Variants in MRPL15 observed in about 807,000 individuals in gnomAD.
The protein encoded by MRPL15 is large ribosomal subunit protein uL15m.
In MRPL15, 24 loss-of-function variants were observed where a neutral mutation model predicts 28.0. That is an observed-to-expected ratio of 0.86 (90% CI 0.62 to 1.21). The LOEUF (loss-of-function observed/expected upper bound fraction) is 1.21, where lower values mean the gene tolerates loss of function less well. Ranked by LOEUF, MRPL15 falls within the 50% of genes most tolerant of loss-of-function variation. The probability of loss-of-function intolerance (pLI) is 0.00; values close to 1 mark genes in which losing one functional copy is unlikely to be tolerated. For missense variants in MRPL15, 343 were observed against 372.4 expected, an observed-to-expected ratio of 0.92 and a Z score of 0.65; for synonymous variants, 124 against 137.0, an observed-to-expected ratio of 0.90 and a Z score of 0.66.
intron 3 of MRPL15, among the ~76,000 whole-genome samples, chr8:54,139,750 C>A (rs561994758): frequency 1.4e-4 from 21 of 152,232 alleles, no homozygotes; most frequent in African/African-American, 4.8e-4. Context: ...AGTTTTGATC[C>A]TTTAGCACAA....
At chr8:54,141,319 A>G (rs1451078275) in intron 3 of MRPL15, among the ~76,000 whole-genome samples, 3 of 152,110 alleles carry the variant, frequency 2.0e-5, no homozygotes, top group Admixed American at 1.3e-4. Context: ...GAAAGTTGGT[A>G]TTTCCATTTA....
At chr8:54,142,639 A>T (rs752235145) in intron 3 of MRPL15, 24 bp from the exon 4 acceptor site, 1 of 1,608,790 alleles carries the variant, frequency 6.2e-7, no homozygotes, top group East Asian at 2.2e-5. Flanking sequence ...CTGTTTACCA[A>T]CAGACTGTTT....
intron 3 of MRPL15, among the ~76,000 whole-genome samples, chr8:54,142,330 A>G (rs1376790454): frequency 7.0e-6 from 1 of 142,176 alleles, no homozygotes; most frequent in Non-Finnish European, 1.5e-5. Context: ...AATTTTTTGT[A>G]TTTTTAGTAG....
chr8:54,136,396 T>G, intron 1 of MRPL15, 115 bp from the exon 2 acceptor site: 1 of 1,108,814 alleles, frequency 9.0e-7, no homozygotes, highest in African/African-American at 1.6e-5. Flanking sequence ...GACACAATAG[T>G]GTTAGCTAGC....
At chr8:54,135,540 A>C in intron 1 of MRPL15, 149 bp downstream of exon 1, 1 of 465,042 alleles carries the variant, frequency 2.2e-6, no homozygotes, top group Non-Finnish European at 3.7e-6. Context: ...CTTACTGCCC[A>C]GAGGGGAATC....
Position 54,142,784 on chromosome 8 carries a change from T to C in MRPL15, c.551T>C (p.Leu184Pro). 2 of 1,613,174 alleles carry C rather than the reference T, an allele frequency of 1.2e-6. No homozygotes were observed. The highest frequency in any genetic ancestry group is 3.3e-5 in the Admixed American group (2 of 59,708). ...VTTAFYDPRS[L>P]DIVCKPVPFF... ...ACAGCCTTCTATGATCCAAGAAGTC[T>C]GGGTAAGTTTGTTCCACGGTCATTT... The change falls in exon 4 of 5, where the codon CTG (leucine) becomes CCG (proline). Residue 184 changes from leucine to proline, a missense_variant and splice_region_variant. Transcript: ENST00000260102.
chr8:54,146,189 G>A (rs1811042099), intron 4 of MRPL15, among the ~76,000 whole-genome samples: 1 of 152,252 alleles, frequency 6.6e-6, no homozygotes, highest in Admixed American at 6.5e-5. Flanking sequence ...CCTCACGCCT[G>A]TAATCCCAGC....
chr8:54,146,552 A>T (rs1198432873), intron 4 of MRPL15, among the ~76,000 whole-genome samples: 1 of 152,024 alleles, frequency 6.6e-6, no homozygotes, highest in African/African-American at 2.4e-5. Context: ...GTGTGAATGG[A>T]TTCTGTGGAT....
Position 54,148,067 on chromosome 8 carries a change from T to G in MRPL15, c.*348T>G, listed in dbSNP as rs184639828. 3.9e-3 allele frequency among the ~76,000 whole-genome samples: 588 copies of G among 152,330 alleles called. 2 individuals carry two copies. The highest frequency in any genetic ancestry group is 6.9e-3 in the Non-Finnish European group (472 of 68,034). On this transcript the variant is annotated 3_prime_UTR_variant, in exon 5 of 5. Coordinates refer to ENST00000260102, the MANE Select transcript of MRPL15 (RefSeq NM_014175.4). ...ATGAAATGCACAAGTGGAATGGGAT[T>G]GACCTGTAGGCCTGCTCTGCCGAGA...
Position 54,148,163 on chromosome 8 carries a change from C to T in MRPL15, c.*444C>T, listed in dbSNP as rs1435886853. Among the ~76,000 whole-genome samples, 1 of 152,168 alleles carries T rather than the reference C, an allele frequency of 6.6e-6. No homozygotes were observed. Among genetic ancestry groups the T allele is most frequent in the African/African-American group, 2.4e-5 (1 of 41,442 alleles). On this transcript the variant is annotated 3_prime_UTR_variant, in exon 5 of 5. Coordinates refer to ENST00000260102, the MANE Select transcript of MRPL15 (RefSeq NM_014175.4). Reference sequence around the variant, plus strand: ...TCAGGGAAACACGGCTACCCAATGCCAAGATGGTAAACCCTCAACTCGAAG... The same window carrying T: ...TCAGGGAAACACGGCTACCCAATGCTAAGATGGTAAACCCTCAACTCGAAG...
intron 3 of MRPL15, among the ~76,000 whole-genome samples, chr8:54,138,611 G>A (rs1043489475): frequency 8.6e-5 from 13 of 151,796 alleles, no homozygotes; most frequent in Non-Finnish European, 1.3e-4. Flanking sequence ...GAGCCACCCC[G>A]CCTGGCCAGG....
At chr8:54,147,319 TC>T (rs1266542134) in intron 4 of MRPL15, 62 bp from the exon 5 acceptor site, 1 of 1,208,770 alleles carries the variant, frequency 8.3e-7, no homozygotes, top group Non-Finnish European at 1.2e-6. Flanking sequence ...TAGAGTTACA[TC>T]TCTAGGTATG....
At position 54,142,679 on chromosome 8, in the gene MRPL15, C is replaced by T. The variant is rs778815032; in HGVS notation, c.446C>T (p.Thr149Met). ...ATATTTCAGGGTGCTGACACCTTTACGGCAAAAGTTAATATTGAAGTACAG... is the reference window on the plus strand; with the variant it reads ...ATATTTCAGGGTGCTGACACCTTTATGGCAAAAGTTAATATTGAAGTACAG... The part of the protein sequence containing the change: ...QLVEEGADTF[T>M]AKVNIEVQLA... The change falls in exon 4 of 5, where the codon ACG becomes ATG. Residue 149 changes from threonine (T) to methionine (M), a missense_variant. Thr to Met is a moderately conservative substitution (Grantham distance 81). Transcript: ENST00000260102. 1.2e-5 allele frequency: 19 copies of T among 1,613,518 alleles called. No individual in the cohort carries two copies. Among genetic ancestry groups the T allele is most frequent in the East Asian group, 2.2e-5 (1 of 44,878 alleles).
At chr8:54,142,110 A>C (rs1261043182) in intron 3 of MRPL15, among the ~76,000 whole-genome samples, 1 of 151,706 alleles carries the variant, frequency 6.6e-6, no homozygotes, top group Admixed American at 6.6e-5. Context: ...TGGCCTCCCA[A>C]AGTGCTGGGA....
intron 3 of MRPL15, among the ~76,000 whole-genome samples, chr8:54,137,834 T>C (rs1279949496): frequency 6.6e-6 from 1 of 152,204 alleles, no homozygotes; most frequent in Non-Finnish European, 1.5e-5. Flanking sequence ...TTTGTGTTTA[T>C]AACTGTTATG....
chr8:54,140,550 C>G (rs1001921941), intron 3 of MRPL15, among the ~76,000 whole-genome samples: 1 of 146,904 alleles, frequency 6.8e-6, no homozygotes, highest in African/African-American at 2.5e-5. Context: ...TCACCGCACC[C>G]GGCCTAGAAC....
At chr8:54,147,092 C>T (rs182856533) in intron 4 of MRPL15, among the ~76,000 whole-genome samples, 210 of 152,160 alleles carry the variant, frequency 1.4e-3, no homozygotes, top group African/African-American at 4.6e-3. Flanking sequence ...ATGATCCGGG[C>T]GTGGCGGCAT....
intron 3 of MRPL15, among the ~76,000 whole-genome samples, chr8:54,142,194 G>A (rs1810939520): frequency 6.7e-6 from 1 of 149,010 alleles, no homozygotes. Context: ...CACTCTTGTA[G>A]CCCAGGCTGG....
intron 4 of MRPL15, among the ~76,000 whole-genome samples, chr8:54,145,555 T>C (rs950723008): frequency 6.6e-5 from 10 of 151,820 alleles, no homozygotes; most frequent in African/African-American, 2.4e-4. Context: ...CTCACTGCAA[T>C]CTGAAACTCC....
Sources: allele counts gnomAD v4.1 joint callset (sites outside exome capture counted in the v4.1 genomes callset), GRCh38; gene constraint gnomAD v4.1.1; transcripts MANE v1.5; gene names NCBI Gene and HGNC (gene_info 2026-07-23, HGNC 2026-07-21).